Variants in DISC1 observed in about 807,000 individuals in gnomAD.
DISC1 encodes DISC1 scaffold protein, also known as disrupted in schizophrenia 1 protein.
A neutral mutation model predicts 84.5 loss-of-function variants in DISC1; 57 were observed. The ratio of observed to expected loss-of-function variants is 0.67; its 90% confidence interval spans 0.55 to 0.84. DISC1 has a LOEUF of 0.84. Among genes scored for constraint, DISC1 ranks in the 40% least tolerant of loss-of-function variants. The pLI, the probability that DISC1 is intolerant of heterozygous loss-of-function variation, is 0.00. For synonymous variants in DISC1, 411 were observed against 415.2 expected, an observed-to-expected ratio of 0.99 and a Z score of 0.12; for missense variants, 1,000 against 1,057.8, an observed-to-expected ratio of 0.95 and a Z score of 0.76.
At chr1:231,817,560 T>C (rs939060755) in intron 8 of DISC1, among the ~76,000 whole-genome samples, 1 of 152,248 alleles carries the variant, frequency 6.6e-6, no homozygotes, top group African/African-American at 2.4e-5. Flanking sequence ...TTAATTTGTC[T>C]CAGCAGTTTT....
chr1:231,974,655 A>C (rs536846980), intron 10 of DISC1, among the ~76,000 whole-genome samples: 2 of 152,188 alleles, frequency 1.3e-5, no homozygotes, highest in Non-Finnish European at 2.9e-5. Context: ...TCTTATACCC[A>C]CACTTAATTT....
At chr1:231,973,999 C>T (rs577007207) in intron 10 of DISC1, among the ~76,000 whole-genome samples, 2 of 151,790 alleles carry the variant, frequency 1.3e-5, no homozygotes, top group African/African-American at 4.8e-5. Flanking sequence ...TCTGAGTTGA[C>T]GGGGATTTTT....
chr1:231,696,316 T>C (rs1381378117), intron 2 of DISC1, among the ~76,000 whole-genome samples: 1 of 152,236 alleles, frequency 6.6e-6, no homozygotes, highest in African/African-American at 2.4e-5. Flanking sequence ...TGTGATCATA[T>C]GTGCAAAGTG....
chr1:231,863,865 C>A (rs2084857953), intron 9 of DISC1, among the ~76,000 whole-genome samples: 1 of 134,634 alleles, frequency 7.4e-6, no homozygotes, highest in African/African-American at 2.8e-5. Flanking sequence ...GATCAGAAGT[C>A]CATGAGCGGA....
chr1:232,006,319 G>A (rs557344573), intron 10 of DISC1, among the ~76,000 whole-genome samples: 2 of 152,344 alleles, frequency 1.3e-5, no homozygotes, highest in East Asian at 3.9e-4. Flanking sequence ...ACTTCCTAGA[G>A]ACTTGTTGAA....
intron 10 of DISC1, among the ~76,000 whole-genome samples, chr1:231,997,354 G>A (rs759794636): frequency 9.2e-5 from 14 of 152,056 alleles, no homozygotes; most frequent in South Asian, 2.1e-4. Context: ...ATCCAGCCTC[G>A]CTCACACCGT....
chr1:231,915,494 A>G (rs1038871671), intron 9 of DISC1, among the ~76,000 whole-genome samples: 25 of 152,278 alleles, frequency 1.6e-4, no homozygotes, highest in Admixed American at 1.2e-3. Flanking sequence ...TCAAAACACT[A>G]TCTTGTGGGC....
intron 3 of DISC1, among the ~76,000 whole-genome samples, chr1:231,739,852 T>C (rs1315357656): frequency 1.3e-5 from 2 of 152,194 alleles, no homozygotes; most frequent in Non-Finnish European, 2.9e-5. Flanking sequence ...AGATTGCCAA[T>C]CTGGGTAAAG....
chr1:231,946,079 G>A lies in DISC1; in HGVS notation c.1982-12749G>A, dbSNP rs546939098. Among the ~76,000 whole-genome samples the A allele has an allele frequency of 2.7e-3, 404 of 152,228 alleles. 2 individuals carry two copies. Among genetic ancestry groups the A allele is most frequent in the Non-Finnish European group, 4.7e-3 (320 of 68,024 alleles). On this transcript the variant is annotated intron_variant, in intron 9 of 12. Coordinates refer to ENST00000439617, the MANE Select transcript of DISC1 (RefSeq NM_018662.3). ...CCTTCTGAAATGATTCCAAACAAGA[G>A]AAAAAGAGGGAATCCTCCCTAACTC...
At chr1:232,002,486 T>G (rs1666816158) in intron 10 of DISC1, among the ~76,000 whole-genome samples, 1 of 152,266 alleles carries the variant, frequency 6.6e-6, no homozygotes, top group East Asian at 1.9e-4. Flanking sequence ...GATGTCTTTC[T>G]GTGGGTGAAT....
intron 1 of DISC1, among the ~76,000 whole-genome samples, chr1:231,651,131 G>A (rs747526748): frequency 3.1e-4 from 47 of 152,182 alleles, no homozygotes; most frequent in Non-Finnish European, 5.9e-4. Flanking sequence ...TGATCCTTTG[G>A]AGGAGAAGAG....
intron 9 of DISC1, among the ~76,000 whole-genome samples, chr1:231,822,203 C>T (rs911465120): frequency 2.0e-5 from 3 of 152,160 alleles, no homozygotes; most frequent in Non-Finnish European, 4.4e-5. Context: ...AATAGGACAT[C>T]ATTAGCATGT....
intron 9 of DISC1, among the ~76,000 whole-genome samples, chr1:231,929,991 G>A (rs200682010): frequency 1.4e-4 from 22 of 152,250 alleles, no homozygotes; most frequent in Non-Finnish European, 2.6e-4. Context: ...TGCAGGTAGC[G>A]TGGGATTGAC....
intron 4 of DISC1, among the ~76,000 whole-genome samples, chr1:231,753,041 TGGCATTGAGTACCTG>T (rs2074777638): frequency 6.6e-6 from 1 of 152,240 alleles, no homozygotes; most frequent in Non-Finnish European, 1.5e-5. Flanking sequence ...TCTCACAGGC[TGGCATTGAGTACCTG>T]CAGCTTTTCC....
At chr1:231,878,570 A>T (rs1449831806) in intron 9 of DISC1, among the ~76,000 whole-genome samples, 3 of 152,168 alleles carry the variant, frequency 2.0e-5, no homozygotes, top group Non-Finnish European at 2.9e-5. Flanking sequence ...GAAGCAAGTG[A>T]AGGACTTTCA....
intron 10 of DISC1, among the ~76,000 whole-genome samples, chr1:232,008,358 A>T (rs1409604229): frequency 2.0e-5 from 3 of 152,220 alleles, no homozygotes; most frequent in Non-Finnish European, 4.4e-5. Flanking sequence ...CGAGTTCTGA[A>T]GATAATATGA....
intron 6 of DISC1, among the ~76,000 whole-genome samples, chr1:231,778,251 A>G (rs1264170314): frequency 6.6e-6 from 1 of 152,224 alleles, no homozygotes. Context: ...GAAACTGGAA[A>G]GCAAGGCCCC....
chr1:231,911,628 T>C (rs2089216669), intron 9 of DISC1, among the ~76,000 whole-genome samples: 1 of 152,218 alleles, frequency 6.6e-6, no homozygotes, highest in Admixed American at 6.5e-5. Context: ...ATTTCAGCTT[T>C]GGTGAATCTG....
At chr1:231,835,024 C>T (rs775941521) in intron 9 of DISC1, among the ~76,000 whole-genome samples, 9 of 151,980 alleles carry the variant, frequency 5.9e-5, no homozygotes, top group African/African-American at 1.2e-4. Context: ...TGAAGTGTGG[C>T]GCCAAGATTG....
Sources: allele counts gnomAD v4.1 joint callset (sites outside exome capture counted in the v4.1 genomes callset), GRCh38; gene constraint gnomAD v4.1.1; transcripts MANE v1.5; gene names NCBI Gene and HGNC (gene_info 2026-07-23, HGNC 2026-07-21).